SCAMP2: variants seen among roughly 807,000 people sequenced by gnomAD.
SCAMP2 encodes the protein secretory carrier-associated membrane protein 2.
In SCAMP2, 25 loss-of-function variants were observed where a neutral mutation model predicts 44.1. The observed-to-expected ratio is 0.57, with a 90% CI of 0.41 to 0.79. The LOEUF (loss-of-function observed/expected upper bound fraction) is 0.79, where lower values mean the gene tolerates loss of function less well. Among genes scored for constraint, SCAMP2 ranks in the 30% least tolerant of loss-of-function variants. SCAMP2 has a pLI of 0.00. For missense variants in SCAMP2, 355 were observed against 411.0 expected (o/e 0.86, Z 1.18); for synonymous variants, 156 against 166.0 (o/e 0.94, Z 0.46).
chr15:74,855,143 A>G (rs1162467446), intron 1 of SCAMP2, among the ~76,000 whole-genome samples: 3 of 151,702 alleles, frequency 2.0e-5, no homozygotes, highest in African/African-American at 7.3e-5. Context: ...TTGCTCTGTC[A>G]CCCAGGCTGG....
chr15:74,856,261 G>GTTTTTTTTTTTTTTT (rs1567251963), intron 1 of SCAMP2, among the ~76,000 whole-genome samples: 1 of 108,638 alleles, frequency 9.2e-6, no homozygotes, highest in African/African-American at 3.5e-5. Flanking sequence ...TGCAGAGCCA[G>GTTTTTTTTTTTTTTT]TTCTTTTTTT....
chr15:74,871,858 A>G (rs901422575), intron 1 of SCAMP2, among the ~76,000 whole-genome samples: 1 of 150,870 alleles, frequency 6.6e-6, no homozygotes, highest in Non-Finnish European at 1.5e-5. Flanking sequence ...CAGTCTGGCC[A>G]ATAAGGTGAA....
intron 1 of SCAMP2, among the ~76,000 whole-genome samples, chr15:74,856,172 A>T (rs1304848133): frequency 6.8e-6 from 1 of 147,652 alleles, no homozygotes; most frequent in Non-Finnish European, 1.5e-5. Flanking sequence ...CTTGGGTTCC[A>T]CACCTCACCC....
Position 74,850,573 on chromosome 15 carries a change from A to G in SCAMP2, c.573T>C (p.Phe191=). The G allele has an allele frequency of 6.2e-7, 1 of 1,614,182 alleles. No individual in the cohort carries two copies. The highest frequency in any genetic ancestry group is 8.5e-7 in the Non-Finnish European group (1 of 1,180,016). ...GVDFGLSILW[F]LIFTPCAFLC... ...GGAAGGCACAGGGAGTGAAGATCAGAAACCACAGGATGGAGAGGCCAAAGT... is the reference window on the plus strand; with the variant it reads ...GGAAGGCACAGGGAGTGAAGATCAGGAACCACAGGATGGAGAGGCCAAAGT... Residue 191 remains phenylalanine, a synonymous_variant, in exon 6 of 9, where the codon TTT becomes TTC. Transcript: ENST00000268099.
chr15:74,843,937 CG>C lies in SCAMP2; in HGVS notation c.*1145del, dbSNP rs1201392844. 6.6e-6 allele frequency: 1 copy of C among 152,128 alleles called. No individual in the cohort carries two copies. The highest frequency in any genetic ancestry group is 1.9e-4 in the East Asian group (1 of 5,186). 9.4% of individuals were successfully genotyped at this position (152,128 alleles called of 1,614,324 possible). On this transcript the variant is annotated 3_prime_UTR_variant, in exon 9 of 9. Coordinates refer to ENST00000268099, the MANE Select transcript of SCAMP2 (RefSeq NM_005697.5). ...AGGCACCCCAGTCCACACACCCACT[CG>C]GCAGCCTCGAGGGACAGGGTGCTGG...
In SCAMP2 at chr15:74,854,047, C is replaced by T; in HGVS notation, c.199G>A (p.Val67Met). Residue 67 changes from valine to methionine, a missense_variant, in exon 3 of 9, where the codon GTG (valine) becomes ATG (methionine). Transcript: ENST00000268099. ...TGGGGGGTCGGCTGGGTTGGTTCCA[C>T]TGATGGCTGGAGAACCGCTGGCTGT... is the stretch of plus-strand genomic sequence containing the variant. The part of the protein sequence containing the change: ...SSQPAVLQPS[V>M]EPTQPTPQAV... The T allele has an allele frequency of 6.2e-7, 1 of 1,614,180 alleles. No homozygotes were observed. Among genetic ancestry groups the T allele is most frequent in the East Asian group, 2.2e-5 (1 of 44,890 alleles).
At chr15:74,852,039 G>GA in intron 4 of SCAMP2, 30 bp downstream of exon 4, 1 of 1,478,474 alleles carries the variant, frequency 6.8e-7, no homozygotes, top group Admixed American at 2.0e-5. Context: ...GCCAGGCAGG[G>GA]CAGCCCCAGG....
At chr15:74,850,160 C>A (rs1303995436) in intron 6 of SCAMP2, among the ~76,000 whole-genome samples, 6 of 152,142 alleles carry the variant, frequency 3.9e-5, no homozygotes, top group Admixed American at 3.9e-4. Flanking sequence ...TCTGATACTA[C>A]CAGAGAAGCA....
rs540184147 is a variant in SCAMP2 at position 74,870,489 on chromosome 15, A to G, written c.57+2710T>C. Among the ~76,000 whole-genome samples, 254 of 152,310 alleles carry G rather than the reference A, an allele frequency of 1.7e-3. 1 individual carries two copies. The highest frequency in any genetic ancestry group is 5.9e-3 in the African/African-American group (244 of 41,566). On this transcript the variant is annotated intron_variant, in intron 1 of 8. Transcript: ENST00000268099. Reference sequence around the variant, plus strand: ...ATACACCATAAGGCTACAAGATCCTACTAAAACCCAAACCCCAGTATTATA... The same window carrying G: ...ATACACCATAAGGCTACAAGATCCTGCTAAAACCCAAACCCCAGTATTATA...
At chr15:74,866,296 C>G (rs1438767735) in intron 1 of SCAMP2, among the ~76,000 whole-genome samples, 1 of 151,560 alleles carries the variant, frequency 6.6e-6, no homozygotes, top group African/African-American at 2.4e-5. Context: ...CCCTAAGAGA[C>G]CATTAAGATC....
intron 1 of SCAMP2, among the ~76,000 whole-genome samples, chr15:74,858,970 G>A (rs534412671): frequency 4.0e-5 from 6 of 151,720 alleles, no homozygotes; most frequent in African/African-American, 7.3e-5. Context: ...CACCACGCCC[G>A]GCTACTTTTT....
chr15:74,855,585 G>A (rs968749146), intron 1 of SCAMP2, among the ~76,000 whole-genome samples: 66 of 151,906 alleles, frequency 4.3e-4, no homozygotes, highest in African/African-American at 1.5e-3. Context: ...GTGTGGTGGC[G>A]CATGCCTGTA....
At chr15:74,851,228 G>C in intron 5 of SCAMP2, 125 bp downstream of exon 5, 1 of 1,142,970 alleles carries the variant, frequency 8.7e-7, no homozygotes, top group South Asian at 1.4e-5. Context: ...ACCCAGCCCA[G>C]GCACTGAGGA....
chr15:74,845,186 C>T lies in SCAMP2; in HGVS notation c.887G>A (p.Ser296Asn), dbSNP rs758746473. 12 of 1,613,664 alleles carry T rather than the reference C, an allele frequency of 7.4e-6. No individual in the cohort carries two copies. The highest frequency in any genetic ancestry group is 1.0e-5 in the Non-Finnish European group (12 of 1,180,000). Reference sequence around the variant, plus strand: ...AAACTCCTCCTGGGCCTGCTGGAAGCTGGCCCCTGTCCGTCGGTAGAGGGA... The same window carrying T: ...AAACTCCTCCTGGGCCTGCTGGAAGTTGGCCCCTGTCCGTCGGTAGAGGGA... ...VHSLYRRTGASFQQAQEEFSQ... is the reference protein window; with the variant it reads ...VHSLYRRTGANFQQAQEEFSQ... The change falls in exon 9 of 9, where the codon AGC becomes AAC. Residue 296 changes from serine (S) to asparagine (N), a missense_variant. Transcript: ENST00000268099.
At position 74,854,067 on chromosome 15, in the gene SCAMP2, G is replaced by A. The variant is rs756335799; in HGVS notation, c.179C>T (p.Pro60Leu). 3 of 1,614,216 alleles carry A rather than the reference G, an allele frequency of 1.9e-6. No individual in the cohort carries two copies. The highest frequency in any genetic ancestry group is 2.5e-6 in the Non-Finnish European group (3 of 1,180,024). ...TTCCACTGATGGCTGGAGAACCGCT[G>A]GCTGTGAGGACCCAGGGAGTTGGGT... ...PVTQLPGSSQ[P>L]AVLQPSVEPT... The change falls in exon 3 of 9, where the codon CCA becomes CTA. Residue 60 changes from proline to leucine, a missense_variant. By Grantham distance (98) the Pro-to-Leu change is moderately conservative (BLOSUM62 -3). Coordinates refer to ENST00000268099, the MANE Select transcript of SCAMP2 (RefSeq NM_005697.5).
chr15:74,846,988 A>C (rs957536478), intron 7 of SCAMP2, among the ~76,000 whole-genome samples: 2 of 152,128 alleles, frequency 1.3e-5, no homozygotes, highest in Admixed American at 6.5e-5. Context: ...AGTCACTAAA[A>C]TAGTGTAGGA....
At chr15:74,865,950 CGAAGGAAGGAAGGAAG>C (rs1173545052) in intron 1 of SCAMP2, among the ~76,000 whole-genome samples, 612 of 36,512 alleles carry the variant, frequency 0.017, 11 homozygotes, top group East Asian at 0.072. Flanking sequence ...GACTCTGTCT[CGAAGGAAGGAAGGAAG>C]GAAGGAAGGA....
chr15:74,848,721 T>C lies in SCAMP2; in HGVS notation c.633-20A>G. 2.6e-6 allele frequency: 4 copies of C among 1,567,636 alleles called. No homozygotes were observed. The highest frequency in any genetic ancestry group is 3.5e-6 in the Non-Finnish European group (4 of 1,139,228). Reference sequence around the variant, plus strand: ...TCGGACCTGTGGAGAGAGAGGGAAATAAGTCACAAGAGGGCTTGGGCTGTG... The same window carrying C: ...TCGGACCTGTGGAGAGAGAGGGAAACAAGTCACAAGAGGGCTTGGGCTGTG... On this transcript the variant is annotated intron_variant, in intron 6 of 8. Transcript: ENST00000268099.
chr15:74,866,312 G>A (rs1332163133), intron 1 of SCAMP2, among the ~76,000 whole-genome samples: 1 of 151,828 alleles, frequency 6.6e-6, no homozygotes, highest in Non-Finnish European at 1.5e-5. Context: ...AGATCTAAGA[G>A]TGAGGACATG....
Sources: gnomAD v4.1 joint callset for allele counts (sites outside exome capture counted in the v4.1 genomes callset) on GRCh38, gnomAD v4.1.1 for gene constraint, MANE v1.5 for transcripts, NCBI Gene and HGNC (gene_info 2026-07-23, HGNC 2026-07-21) for gene names.